The following XRCC6 variants were observed in gnomAD, a reference collection of about 807,000 sequenced individuals.
The protein encoded by XRCC6 is DNA repair protein Ku70.
In XRCC6, 5 loss-of-function variants were observed where a neutral mutation model predicts 65.7. The ratio of observed to expected loss-of-function variants is 0.08; its 90% CI spans 0.04 to 0.16. The LOEUF is 0.16. Ranked by LOEUF, XRCC6 falls within the 10% of genes least tolerant of loss-of-function variation. The probability of loss-of-function intolerance (pLI) is 1.00; values close to 1 mark genes in which losing one functional copy is unlikely to be tolerated. For synonymous variants in XRCC6, 270 were observed against 270.6 expected (o/e 1.00, Z 0.02); for missense variants, 447 against 738.1 (o/e 0.61, Z 4.57).
At chr22:41,636,432 G>C in intron 4 of XRCC6, 84 bp from the exon 5 acceptor site, 1 of 1,551,822 alleles carries the variant, frequency 6.4e-7, no homozygotes, top group East Asian at 2.3e-5. Flanking sequence ...GGTGAAAAAG[G>C]GTCCTTCTGT....
intron 3 of XRCC6, 91 bp downstream of exon 3, chr22:41,628,321 G>A: frequency 9.8e-7 from 1 of 1,019,628 alleles, no homozygotes; most frequent in Non-Finnish European, 1.4e-6. Context: ...GACATTGGGA[G>A]GCCGAGACGG....
intron 10 of XRCC6, among the ~76,000 whole-genome samples, chr22:41,657,490 T>TATTATTA (rs1491537473): frequency 7.2e-6 from 1 of 138,244 alleles, no homozygotes; most frequent in Non-Finnish European, 1.5e-5. Flanking sequence ...TTTTTAAAAA[T>TATTATTA]TTATTATTAT....
At chr22:41,651,431 A>G (rs2067995502) in intron 8 of XRCC6, among the ~76,000 whole-genome samples, 2 of 100,066 alleles carry the variant, frequency 2.0e-5, no homozygotes. Flanking sequence ...TACTCTTGTC[A>G]CCCAGGCTGG....
chr22:41,637,754 G>T lies in XRCC6; in HGVS notation c.736G>T (p.Val246Phe), dbSNP rs1342799546. The T allele has an allele frequency of 3.1e-6, 5 of 1,613,864 alleles. No homozygotes were observed. The highest frequency in any genetic ancestry group is 4.2e-6 in the Non-Finnish European group (5 of 1,179,988). The change falls in exon 6 of 13, where the codon GTT becomes TTT. Residue 246 changes from valine to phenylalanine, a missense_variant. Physicochemically the swap from Val to Phe is conservative, Grantham distance 50. Coordinates refer to ENST00000360079, the MANE Select transcript of XRCC6 (RefSeq NM_001469.5). ...SSKLEDLLRK[V>F]RAKETRKRAL... ...CAAGCTAGAAGACCTGTTGCGGAAG[G>T]TTCGCGCCAAGGAGACCAGGAAGCG...
At chr22:41,625,650 CTG>C (rs1442335979) in intron 2 of XRCC6, among the ~76,000 whole-genome samples, 4 of 152,010 alleles carry the variant, frequency 2.6e-5, no homozygotes, top group Non-Finnish European at 4.4e-5. Flanking sequence ...ACAGAGGACT[CTG>C]TTAATCTACA....
chr22:41,656,776 C>A, intron 9 of XRCC6, 127 bp from the exon 10 acceptor site: 1 of 1,241,594 alleles, frequency 8.1e-7, no homozygotes, highest in Non-Finnish European at 1.1e-6. Flanking sequence ...TGGTGGAGTT[C>A]AAGAAATGGG....
chr22:41,632,097 C>G (rs1008420899), intron 3 of XRCC6, among the ~76,000 whole-genome samples: 2 of 151,574 alleles, frequency 1.3e-5, no homozygotes, highest in African/African-American at 4.8e-5. Context: ...AGCTTCGGCT[C>G]GGCATCAGAG....
At chr22:41,655,357 A>G (rs2068035599) in intron 9 of XRCC6, among the ~76,000 whole-genome samples, 1 of 151,458 alleles carries the variant, frequency 6.6e-6, no homozygotes, top group African/African-American at 2.4e-5. Context: ...TGAGGTTGCT[A>G]AGATACATGG....
At chr22:41,647,112 T>A (rs1379772286) in intron 7 of XRCC6, 30 bp downstream of exon 7, 2 of 1,608,950 alleles carry the variant, frequency 1.2e-6, no homozygotes, top group African/African-American at 2.7e-5. Flanking sequence ...GTTGTTGTTG[T>A]TTTTGAGACA....
Position 41,646,892 on chromosome 22 carries a change from T to G in XRCC6, c.774-4T>G. The stretch of plus-strand genomic sequence containing the variant: ...TCATGCTCTTTCATTTTTTACTCCC[T>G]CAGGTTAAAGCTGAAGCTCAACAAA... On this transcript the variant is annotated splice_region_variant and splice_polypyrimidine_tract_variant and intron_variant, in intron 6 of 12. Coordinates refer to ENST00000360079, the MANE Select transcript of XRCC6 (RefSeq NM_001469.5). 1 of 1,589,140 alleles carries G rather than the reference T, an allele frequency of 6.3e-7. No homozygotes were observed. The highest frequency in any genetic ancestry group is 8.6e-7 in the Non-Finnish European group (1 of 1,167,314).
At chr22:41,628,752 T>C (rs897839224) in intron 3 of XRCC6, among the ~76,000 whole-genome samples, 6 of 151,882 alleles carry the variant, frequency 4.0e-5, no homozygotes, top group African/African-American at 1.5e-4. Context: ...AGGCGGATCA[T>C]GAGGTCAGGA....
At chr22:41,624,408 C>T (rs1442468240) in intron 2 of XRCC6, among the ~76,000 whole-genome samples, 4 of 149,840 alleles carry the variant, frequency 2.7e-5, no homozygotes, top group Non-Finnish European at 4.4e-5. Flanking sequence ...AAATAGGGGC[C>T]GGGCGCGGTG....
intron 2 of XRCC6, among the ~76,000 whole-genome samples, chr22:41,622,718 A>G (rs1569076000): frequency 6.6e-6 from 1 of 152,146 alleles, no homozygotes; most frequent in Non-Finnish European, 1.5e-5. Context: ...AGGCGGGCGG[A>G]TCACGATGTC....
intron 11 of XRCC6, among the ~76,000 whole-genome samples, chr22:41,660,937 G>A (rs1445093618): frequency 2.0e-5 from 3 of 151,914 alleles, no homozygotes; most frequent in Non-Finnish European, 2.9e-5. Flanking sequence ...AAGAGGCTGA[G>A]GCAGGAGAAT....
At chr22:41,638,303 A>T (rs538102348) in intron 6 of XRCC6, among the ~76,000 whole-genome samples, 4 of 152,252 alleles carry the variant, frequency 2.6e-5, no homozygotes, top group Non-Finnish European at 5.9e-5. Flanking sequence ...CGATTTTGTC[A>T]TTGTGCAAAC....
chr22:41,630,285 CT>C lies in XRCC6; in HGVS notation c.195+2066del, dbSNP rs909826627. Among the ~76,000 whole-genome samples, 246 of 144,688 alleles carry C rather than the reference CT, an allele frequency of 1.7e-3. 1 individual carries two copies. Among genetic ancestry groups the C allele is most frequent in the African/African-American group, 4.5e-3 (179 of 39,790 alleles). 94.9% of individuals were successfully genotyped at this position (144,688 alleles called of 152,430 possible). A position where few individuals can be genotyped will look rare whatever the true frequency, so the allele number is the denominator to read the frequency against. Reference sequence around the variant, plus strand: ...GCGTGAGCCATGGCACCCGGCCTTGCTTTTTTTTTTTGAGATGGTGTCTCAC... The same window carrying C: ...GCGTGAGCCATGGCACCCGGCCTTGCTTTTTTTTTTGAGATGGTGTCTCAC... On this transcript the variant is annotated intron_variant, in intron 3 of 12. Coordinates refer to ENST00000360079, the MANE Select transcript of XRCC6 (RefSeq NM_001469.5).
intron 3 of XRCC6, among the ~76,000 whole-genome samples, chr22:41,631,134 C>T (rs1333496110): frequency 1.0e-4 from 15 of 144,582 alleles, no homozygotes; most frequent in South Asian, 4.4e-4. Flanking sequence ...GCTGGCAGGG[C>T]GGGGGGCTGA....
intron 10 of XRCC6, among the ~76,000 whole-genome samples, chr22:41,657,968 C>T (rs568433771): frequency 1.3e-5 from 2 of 152,106 alleles, no homozygotes; most frequent in Non-Finnish European, 2.9e-5. Flanking sequence ...GGACCACAGG[C>T]GTGCACCAAC....
chr22:41,658,644 G>A (rs906090019), intron 11 of XRCC6, among the ~76,000 whole-genome samples: 21 of 152,202 alleles, frequency 1.4e-4, no homozygotes, highest in Admixed American at 8.5e-4. Flanking sequence ...GGCTGGGCAC[G>A]GTGGCTCATG....
Sources: allele counts gnomAD v4.1 joint callset (sites outside exome capture counted in the v4.1 genomes callset), GRCh38; gene constraint gnomAD v4.1.1; transcripts MANE v1.5; gene names NCBI Gene and HGNC (gene_info 2026-07-23, HGNC 2026-07-21).